The following TAF6L variants were observed in gnomAD, a reference collection of about 807,000 sequenced individuals.
The protein encoded by TAF6L is TAF6-like RNA polymerase II p300/CBP-associated factor-associated factor 65 kDa subunit 6L.
A neutral mutation model predicts 57.3 loss-of-function variants in TAF6L; 34 were observed. The ratio of observed to expected loss-of-function variants is 0.59; its 90% CI spans 0.45 to 0.79. The LOEUF (loss-of-function observed/expected upper bound fraction) is 0.79. Ranked by LOEUF, TAF6L falls within the 30% of genes least tolerant of loss-of-function variation. The pLI is 0.00. For synonymous variants in TAF6L, 417 were observed against 376.3 expected, an observed-to-expected ratio of 1.11 and a Z score of -1.25; for missense variants, 782 against 853.2, an observed-to-expected ratio of 0.92 and a Z score of 1.04.
Position 62,775,877 on chromosome 11 carries a change from G to T in TAF6L, c.94G>T (p.Val32Leu). Reference protein sequence around the residue: ...ESTGLELSDEVAALLAEDVCY... With the variant: ...ESTGLELSDELAALLAEDVCY... ...CACGGGCCTGGAGCTGAGCGATGAGGTGGCGGCGCTGCTCGCAGAGGACGT... is the reference window on the plus strand; with the variant it reads ...CACGGGCCTGGAGCTGAGCGATGAGTTGGCGGCGCTGCTCGCAGAGGACGT... Residue 32 changes from valine to leucine, a missense_variant, in exon 2 of 11, where the codon GTG becomes TTG. This residue lies in a region of TAF6L where 220 missense variants were observed against 252.1 expected (regional missense o/e 0.87). Coordinates refer to ENST00000294168, the MANE Select transcript of TAF6L (RefSeq NM_006473.4). The T allele has an allele frequency of 1.2e-6, 2 of 1,614,066 alleles. No individual in the cohort carries two copies. The highest frequency in any genetic ancestry group is 2.2e-5 in the East Asian group (1 of 44,884).
intron 8 of TAF6L, 53 bp downstream of exon 8, chr11:62,782,386 TG>T (rs761917497): frequency 7.0e-6 from 11 of 1,576,794 alleles, no homozygotes; most frequent in Non-Finnish European, 8.6e-6. Flanking sequence ...CCAAGTGGGT[TG>T]GGGTAAGGAA....
chr11:62,779,019 GTTTTTTT>G (rs373542247), intron 6 of TAF6L, 56 bp downstream of exon 6: 3 of 932,764 alleles, frequency 3.2e-6, no homozygotes, highest in Non-Finnish European at 3.2e-6. Flanking sequence ...TTCTAGACCT[GTTTTTTT>G]TTTTTTTTTT....
chr11:62,786,113 A>G, intron 9 of TAF6L, 147 bp from the exon 10 acceptor site: 2 of 973,312 alleles, frequency 2.1e-6, no homozygotes, highest in Non-Finnish European at 3.0e-6. Context: ...CCAAATAAAT[A>G]TATGGTTGAA....
chr11:62,787,271 A>G lies in TAF6L; in HGVS notation c.1844A>G (p.Asp615Gly), dbSNP rs758778769. 2 of 1,561,060 alleles carry G rather than the reference A, an allele frequency of 1.3e-6. No individual in the cohort carries two copies. The highest frequency in any genetic ancestry group is 1.2e-5 in the South Asian group (1 of 86,928). ...SRPARRWALS[D>G]YSLYLPL Reference sequence around the variant, plus strand: ...CCCGCCCGCCGGTGGGCGCTCTCGGACTACTCGCTGTACTTGCCGCTCTGA... The same window carrying G: ...CCCGCCCGCCGGTGGGCGCTCTCGGGCTACTCGCTGTACTTGCCGCTCTGA... Residue 615 changes from aspartate (D) to glycine (G), a missense_variant, in exon 11 of 11, where the codon GAC (aspartate) becomes GGC (glycine). Asp to Gly is a moderately conservative substitution (Grantham distance 94). Around this residue, in one of 3 missense-constraint regions of TAF6L, gnomAD observed 483 missense variants for 445.1 expected, o/e 1.09. Transcript: ENST00000294168.
In TAF6L at chr11:62,776,278, G is replaced by C. The variant is rs1311717425; in HGVS notation, c.148-106G>C. The C allele has an allele frequency of 4.3e-5, 48 of 1,110,958 alleles. 1 individual carries two copies. The highest frequency in any genetic ancestry group is 6.0e-5 in the Non-Finnish European group (44 of 737,826). The allele number at this position is 1,110,958 out of a possible 1,614,324, so 68.8% of individuals were successfully genotyped here. A position where few individuals can be genotyped will look rare whatever the true frequency, so the allele number is the denominator to read the frequency against. ...GAATCTAGGCTTCTGATCCCTAAGC[G>C]TGGTCTCCTGTTTGCCTTCTCTCCA... On this transcript the variant is annotated intron_variant, in intron 2 of 10. Transcript: ENST00000294168.
rs553445085 is a variant in TAF6L, at chr11:62,778,191, G to C, written c.385+63G>C. ...TTGGGCCGTGAAGAGAAGTGGTGAT[G>C]GGCTGGCTGGTGGAAGAGGCAGAAC... On this transcript the variant is annotated intron_variant, in intron 4 of 10. Transcript: ENST00000294168. 37 of 1,613,726 alleles carry C rather than the reference G, an allele frequency of 2.3e-5. No homozygotes were observed. In the East Asian group the frequency reaches 6.9e-4, roughly 30 times the overall value.
Position 62,786,944 on chromosome 11 carries a change from GC to G in TAF6L, c.1518del (p.Gly507GlufsTer58). 6.9e-7 allele frequency: 1 copy of G among 1,459,308 alleles called. No homozygotes were observed. Among genetic ancestry groups the G allele is most frequent in the South Asian group, 1.3e-5 (1 of 74,102 alleles). 90.4% of individuals were successfully genotyped at this position (1,459,308 alleles called of 1,614,324 possible). ...GGCGACGAGAGCCCCCGGGGCAGCG[GC>G]GGAGGCGGCCCCGCGTCGGCCTCTG... The part of the protein sequence containing the change: ...PHGDESPRGS[G>X]GGGPASASGP... On this transcript the variant is annotated frameshift_variant, in exon 11 of 11. Transcript: ENST00000294168. LOFTEE classifies it high-confidence loss of function.
Position 62,782,319 on chromosome 11 carries a change from C to T in TAF6L, c.813C>T (p.Leu271=). 1 of 1,613,668 alleles carries T rather than the reference C, an allele frequency of 6.2e-7. No individual in the cohort carries two copies. The highest frequency in any genetic ancestry group is 2.2e-5 in the East Asian group (1 of 44,880). The change falls in exon 8 of 11, where the codon CTC becomes CTT. Residue 271 remains leucine, a synonymous_variant. Coordinates refer to ENST00000294168, the MANE Select transcript of TAF6L (RefSeq NM_006473.4). Reference sequence around the variant, plus strand: ...TGCGGGATGGGGCTGCCCTCCTGCTCAGCCACATCTTCTGGTAGCCACTGG... The same window carrying T: ...TGCGGGATGGGGCTGCCCTCCTGCTTAGCCACATCTTCTGGTAGCCACTGG... The part of the protein sequence containing the change: ...WTLRDGAALL[L]SHIFWTHGDL...
At chr11:62,774,323 G>A (rs904083846) in intron 1 of TAF6L, among the ~76,000 whole-genome samples, 1 of 152,124 alleles carries the variant, frequency 6.6e-6, no homozygotes, top group Non-Finnish European at 1.5e-5. Flanking sequence ...TGATCCGCCT[G>A]CCTCGGCCTC....
intron 1 of TAF6L, among the ~76,000 whole-genome samples, chr11:62,773,772 G>A (rs1465054918): frequency 1.3e-5 from 2 of 152,174 alleles, no homozygotes; most frequent in Non-Finnish European, 2.9e-5. Context: ...CTGGTTTGGA[G>A]GCAGAATGCA....
At position 62,778,097 on chromosome 11, in the gene TAF6L, C is replaced by T. The variant is rs773020534; in HGVS notation, c.354C>T (p.Ile118=). 1.5e-5 allele frequency: 25 copies of T among 1,614,170 alleles called. 2 individuals carry two copies. The South Asian group carries it at 2.6e-4, about 17-fold the overall frequency. ...NLVELALATN[I]PKGCAETAVR... is the part of the protein sequence containing the mutation. ...TGGAGCTGGCCCTGGCTACCAACAT[C>T]CCCAAAGGCTGTGCTGAGACAGCTG... The change falls in exon 4 of 11, where the codon ATC becomes ATT. Residue 118 remains isoleucine, a synonymous_variant. Coordinates refer to ENST00000294168, the MANE Select transcript of TAF6L (RefSeq NM_006473.4).
Position 62,782,354 on chromosome 11 carries a change from T to C in TAF6L, c.827+21T>C. ...TTCTGGTAGCCACTGGGCCTAAACC[T>C]GCGGGTGGGATTGCTGCAGAGCCAA... On this transcript the variant is annotated intron_variant, in intron 8 of 10. Coordinates refer to ENST00000294168, the MANE Select transcript of TAF6L (RefSeq NM_006473.4). 1.9e-6 allele frequency: 3 copies of C among 1,608,960 alleles called. No individual in the cohort carries two copies. In the South Asian group the frequency reaches 3.3e-5, roughly 18 times the overall value.
At chr11:62,773,988 C>T (rs1316709971) in intron 1 of TAF6L, among the ~76,000 whole-genome samples, 1 of 152,022 alleles carries the variant, frequency 6.6e-6, no homozygotes, top group East Asian at 1.9e-4. Flanking sequence ...GAATACAGAA[C>T]ACAAGAAAGT....
rs186977272 is a variant in TAF6L at position 62,784,452 on chromosome 11, G to A, written c.960+1627G>A. Among the ~76,000 whole-genome samples the A allele has an allele frequency of 9.4e-3, 1,426 of 151,116 alleles. 22 individuals carry two copies. Among genetic ancestry groups the A allele is most frequent in the African/African-American group, 0.033 (1,355 of 41,120 alleles). ...CCCGAGAGTAGCTGGGACTACAGGC[G>A]CCCGCCACCATGCCCGGCTAATTTT... is the stretch of plus-strand genomic sequence containing the variant. On this transcript the variant is annotated intron_variant, in intron 9 of 10. Coordinates refer to ENST00000294168, the MANE Select transcript of TAF6L (RefSeq NM_006473.4).
rs777152256 is a variant in TAF6L at position 62,787,153 on chromosome 11, C to T, written c.1726C>T (p.Arg576Cys). The T allele has an allele frequency of 9.5e-6, 15 of 1,574,300 alleles. No homozygotes were observed. The highest frequency in any genetic ancestry group is 1.2e-5 in the Non-Finnish European group (14 of 1,169,718). ...GCAGGCTGGGAGGCGCTGCCGCGGG[C>T]GCCTTTTCCAGACTGCCTTCCCCGC... ...GRQAGRRCRG[R>C]LFQTAFPAPY... The change falls in exon 11 of 11, where the codon CGC (arginine) becomes TGC (cysteine). Residue 576 changes from arginine to cysteine, a missense_variant. Around this residue, in one of 3 missense-constraint regions of TAF6L, gnomAD observed 483 missense variants for 445.1 expected, o/e 1.09. Transcript: ENST00000294168.
intron 9 of TAF6L, chr11:62,785,961 A>G (rs1456996997): frequency 3.9e-6 from 1 of 253,182 alleles, no homozygotes; most frequent in Non-Finnish European, 7.9e-6. Context: ...TGTATAGGGT[A>G]GCAGTATGCA....
At chr11:62,772,829 C>T (rs1389232494) in intron 1 of TAF6L, among the ~76,000 whole-genome samples, 9 of 144,044 alleles carry the variant, frequency 6.2e-5, no homozygotes, top group Non-Finnish European at 9.2e-5. Context: ...AAGAATAGTT[C>T]TTCTTTCTTT....
Position 62,786,018 on chromosome 11 carries a change from G to C in TAF6L, c.961-242G>C, listed in dbSNP as rs202203837. The C allele has an allele frequency of 7.1e-6, 3 of 424,732 alleles. No individual in the cohort carries two copies. In the East Asian group the frequency reaches 1.2e-4, roughly 17 times the overall value. 26.3% of individuals were successfully genotyped at this position (424,732 alleles called of 1,614,324 possible). A position where few individuals can be genotyped will look rare whatever the true frequency, so the allele number is the denominator to read the frequency against. Reference sequence around the variant, plus strand: ...GTAATGAGCATTATTTAGCACACAGGGCAGTGATATTGGGTATATTTTTTA... The same window carrying C: ...GTAATGAGCATTATTTAGCACACAGCGCAGTGATATTGGGTATATTTTTTA... On this transcript the variant is annotated intron_variant, in intron 9 of 10. Coordinates refer to ENST00000294168, the MANE Select transcript of TAF6L (RefSeq NM_006473.4).
intron 1 of TAF6L, among the ~76,000 whole-genome samples, chr11:62,773,359 G>T (rs935690018): frequency 6.6e-6 from 1 of 151,662 alleles, no homozygotes; most frequent in African/African-American, 2.4e-5. Flanking sequence ...TATTGTCCAG[G>T]CTGGTCTAGA....
Sources: allele counts gnomAD v4.1 joint callset (sites outside exome capture counted in the v4.1 genomes callset), GRCh38; gene constraint gnomAD v4.1.1; regional missense constraint gnomAD v4.1.1; transcripts MANE v1.5; gene names NCBI Gene and HGNC (gene_info 2026-07-23, HGNC 2026-07-21).